ADGRE5: variants seen among roughly 807,000 people sequenced by gnomAD.
ADGRE5 encodes CD97 molecule.
ADGRE5 carries 72 observed loss-of-function variants against 100.3 expected under a neutral mutation model. The observed-to-expected ratio is 0.72, with a 90% CI of 0.59 to 0.87. The LOEUF (loss-of-function observed/expected upper bound fraction) is 0.87. Among genes scored for constraint, ADGRE5 ranks in the 40% least tolerant of loss-of-function variants. The pLI, the probability that ADGRE5 is intolerant of heterozygous loss-of-function variation, is 0.00. For synonymous variants in ADGRE5, 439 were observed against 447.8 expected (o/e 0.98, Z 0.25); for missense variants, 959 against 1,094.7 (o/e 0.88, Z 1.75).
Position 14,401,540 on chromosome 19 carries a change from C to CCTACA in ADGRE5, c.1053_1057dup (p.Ile353ThrfsTer10). 1 of 1,614,158 alleles carries CCTACA rather than the reference C, an allele frequency of 6.2e-7. No individual in the cohort carries two copies. The highest frequency in any genetic ancestry group is 8.5e-7 in the Non-Finnish European group (1 of 1,179,996). On this transcript the variant is annotated frameshift_variant, in exon 10 of 20. Coordinates refer to ENST00000242786, the MANE Select transcript of ADGRE5 (RefSeq NM_078481.4). LOFTEE classifies it high-confidence loss of function. This position sits in a 1 kb window ranked among gnomAD's most constrained non-coding sequence, Gnocchi z 4.1. Reference sequence around the variant, plus strand: ...AAGAGCCTGCCTAAAGGCCCCTTCACCTACATTTCCCCTTCGAACACAGGT... The same window carrying CCTACA: ...AAGAGCCTGCCTAAAGGCCCCTTCACCTACACTACATTTCCCCTTCGAACACAGGT...
Sources: allele counts gnomAD v4.1 joint callset, GRCh38; gene constraint gnomAD v4.1.1; non-coding constraint Gnocchi (gnomAD v3.1); transcripts MANE v1.5; gene names NCBI Gene and HGNC (gene_info 2026-07-23, HGNC 2026-07-21).